The following OSBPL1A variants were observed in gnomAD, a reference collection of about 807,000 sequenced individuals.
OSBPL1A encodes oxysterol-binding protein-related protein 1.
In OSBPL1A, 80 loss-of-function variants were observed where a neutral mutation model predicts 137.1. That is an observed-to-expected ratio of 0.58 (90% CI 0.49 to 0.70). The LOEUF is 0.70. Among genes scored for constraint, OSBPL1A ranks in the 30% least tolerant of loss-of-function variants. The probability of loss-of-function intolerance (pLI) is 0.00; values close to 1 mark genes in which losing one functional copy is unlikely to be tolerated. For synonymous variants in OSBPL1A, 365 were observed against 389.7 expected (o/e 0.94, Z 0.75); for missense variants, 970 against 1,129.4 (o/e 0.86, Z 2.02).
chr18:24,342,948 T>C (rs2146158361), intron 4 of OSBPL1A, among the ~76,000 whole-genome samples: 1 of 152,238 alleles, frequency 6.6e-6, no homozygotes, highest in African/African-American at 2.4e-5. Context: ...AGTGAATTCT[T>C]ATAAAATATC....
At chr18:24,358,274 G>A (rs591908) in intron 4 of OSBPL1A, 11 of 579,510 alleles carry the variant, frequency 1.9e-5, no homozygotes, top group African/African-American at 1.1e-4. Flanking sequence ...ATGACTGACT[G>A]TCCCAGTGTA....
At chr18:24,326,960 A>T (rs552364117) in intron 7 of OSBPL1A, among the ~76,000 whole-genome samples, 1 of 152,268 alleles carries the variant, frequency 6.6e-6, no homozygotes, top group African/African-American at 2.4e-5. Flanking sequence ...TACAATTTTT[A>T]AAAAATGTTC....
intron 16 of OSBPL1A, 103 bp downstream of exon 16, chr18:24,239,117 T>C (rs2088596387): frequency 7.2e-7 from 1 of 1,384,686 alleles, no homozygotes; most frequent in Non-Finnish European, 9.8e-7. Flanking sequence ...CAGGAAACTC[T>C]AGGTGACCTC....
At chr18:24,311,593 AAG>A (rs1178765130) in intron 13 of OSBPL1A, 1 of 674,500 alleles carries the variant, frequency 1.5e-6, no homozygotes, top group African/African-American at 2.0e-5. Flanking sequence ...CCAACCAGGA[AAG>A]GTATCACTAT....
chr18:24,376,878 G>C (rs886709279), intron 2 of OSBPL1A, among the ~76,000 whole-genome samples: 5 of 152,234 alleles, frequency 3.3e-5, no homozygotes, highest in Non-Finnish European at 5.9e-5. Context: ...CTCCCAGTGC[G>C]GGGCCCACCA....
rs969872129 is a variant in OSBPL1A at position 24,162,601 on chromosome 18, A to C, written c.*578T>G. ...TCTTTAGAATTTTCAAATCAGAAAT[A>C]TCTATTCTGAATATTCAGGCATTTT... On this transcript the variant is annotated 3_prime_UTR_variant, in exon 28 of 28. Transcript: ENST00000319481. The C allele has an allele frequency of 2.6e-5, 4 of 152,246 alleles. No individual in the cohort carries two copies. The highest frequency in any genetic ancestry group is 5.9e-5 in the Non-Finnish European group (4 of 68,048). The allele number at this position is 152,246 out of a possible 1,614,324, so 9.4% of individuals were successfully genotyped here.
Position 24,368,406 on chromosome 18 carries a change from C to A in OSBPL1A, c.122-34G>T, listed in dbSNP as rs751568193. 6 of 1,489,042 alleles carry A rather than the reference C, an allele frequency of 4.0e-6. No individual in the cohort carries two copies. In the South Asian group the frequency reaches 6.9e-5, roughly 17 times the overall value. 92.2% of individuals were successfully genotyped at this position (1,489,042 alleles called of 1,614,324 possible). On this transcript the variant is annotated intron_variant, in intron 2 of 27. Coordinates refer to ENST00000319481, the MANE Select transcript of OSBPL1A (RefSeq NM_080597.4). ...GGAAAAATATAAGGTATTTTTAGGT[C>A]ATATTTAGGTAATTTTACAACGAAA...
At chr18:24,385,123 T>A (rs1295826256) in intron 1 of OSBPL1A, among the ~76,000 whole-genome samples, 2 of 151,646 alleles carry the variant, frequency 1.3e-5, no homozygotes, top group Non-Finnish European at 2.9e-5. Flanking sequence ...CCCGGCTAAT[T>A]TTTTGTATTT....
chr18:24,178,199 A>T lies in OSBPL1A; in HGVS notation c.1911-4T>A. On this transcript the variant is annotated splice_polypyrimidine_tract_variant and splice_region_variant and intron_variant, in intron 20 of 27. Coordinates refer to ENST00000319481, the MANE Select transcript of OSBPL1A (RefSeq NM_080597.4). The stretch of plus-strand genomic sequence containing the variant: ...GAGTCTAAATCCAAGGTCATCTCTT[A>T]AGATTTAAAAAAAAAAAAAAAGAAA... 1 of 1,494,426 alleles carries T rather than the reference A, an allele frequency of 6.7e-7. No individual in the cohort carries two copies. The highest frequency in any genetic ancestry group is 1.4e-5 in the South Asian group (1 of 74,000). 92.6% of individuals were successfully genotyped at this position (1,494,426 alleles called of 1,614,324 possible).
intron 13 of OSBPL1A, chr18:24,311,663 G>A (rs2090621845): frequency 2.3e-5 from 7 of 306,926 alleles, no homozygotes; most frequent in Non-Finnish European, 3.8e-5. Flanking sequence ...ATCAAGTCAA[G>A]CTATGCATGC....
chr18:24,207,603 C>T (rs1366668606), intron 17 of OSBPL1A, among the ~76,000 whole-genome samples: 2 of 152,148 alleles, frequency 1.3e-5, no homozygotes, highest in Non-Finnish European at 2.9e-5. Context: ...AACTATTCCA[C>T]AGAGAAACAG....
At chr18:24,311,884 A>G in intron 13 of OSBPL1A, 100 bp downstream of exon 13, 1 of 1,356,372 alleles carries the variant, frequency 7.4e-7, no homozygotes, top group Non-Finnish European at 1.0e-6. Context: ...TTGTTGTCAG[A>G]AATCATAATT....
intron 17 of OSBPL1A, among the ~76,000 whole-genome samples, chr18:24,214,815 C>G (rs555485386): frequency 1.7e-4 from 26 of 152,330 alleles, no homozygotes; most frequent in African/African-American, 6.3e-4. Context: ...CAGAGATGGA[C>G]TGAATAACAG....
Position 24,173,701 on chromosome 18 carries a change from C to G in OSBPL1A, c.2094-1218G>C, listed in dbSNP as rs191888169. Among the ~76,000 whole-genome samples the G allele has an allele frequency of 7.2e-5, 11 of 152,372 alleles. No individual in the cohort carries two copies. In the East Asian group the frequency reaches 1.5e-3, roughly 21 times the overall value. ...GTGCTGGGATTACAGGCGTGAGCCA[C>G]CGCTGCACCTTCATATATTTGTCCT... On this transcript the variant is annotated intron_variant, in intron 21 of 27. Transcript: ENST00000319481.
intron 2 of OSBPL1A, among the ~76,000 whole-genome samples, chr18:24,374,126 G>A (rs1905893152): frequency 6.6e-6 from 1 of 152,022 alleles, no homozygotes; most frequent in Admixed American, 6.6e-5. Context: ...AGAATGGGGG[G>A]AAATTTTATA....
At chr18:24,163,318 CTA>C (rs745677438) in intron 27 of OSBPL1A, 37 bp from the exon 28 acceptor site, 78 of 1,460,508 alleles carry the variant, frequency 5.3e-5, no homozygotes, top group Non-Finnish European at 6.9e-5. Context: ...ACAGGGGAAA[CTA>C]TGGAAAATCA....
At chr18:24,262,206 T>C (rs1387848948) in intron 15 of OSBPL1A, among the ~76,000 whole-genome samples, 1 of 152,192 alleles carries the variant, frequency 6.6e-6, no homozygotes, top group Non-Finnish European at 1.5e-5. Context: ...AAAACAATGT[T>C]TGCAAGGTCC....
intron 13 of OSBPL1A, among the ~76,000 whole-genome samples, chr18:24,308,393 A>T (rs1195913790): frequency 6.6e-6 from 1 of 151,154 alleles, no homozygotes. Flanking sequence ...AAAAAAAAAA[A>T]ATTTGTTTTT....
intron 8 of OSBPL1A, 34 bp downstream of exon 8, chr18:24,318,714 A>G: frequency 6.3e-7 from 1 of 1,594,360 alleles, no homozygotes; most frequent in South Asian, 1.1e-5. Flanking sequence ...TTTTTCTAAA[A>G]ATTATTAGAT....
Sources: gnomAD v4.1 joint callset for allele counts (sites outside exome capture counted in the v4.1 genomes callset) on GRCh38, gnomAD v4.1.1 for gene constraint, MANE v1.5 for transcripts, NCBI Gene and HGNC (gene_info 2026-07-23, HGNC 2026-07-21) for gene names.